The following MLLT10 variants were observed in gnomAD, a reference collection of about 807,000 sequenced individuals.
MLLT10 encodes protein AF-10.
In MLLT10, 30 loss-of-function variants were observed where a neutral mutation model predicts 129.1. That is an observed-to-expected ratio of 0.23 (90% CI 0.17 to 0.32). MLLT10 has a LOEUF of 0.32. Ranked by LOEUF, MLLT10 falls within the 10% of genes least tolerant of loss-of-function variation. The pLI is 1.00. For missense variants in MLLT10, 1,119 were observed against 1,268.3 expected, an observed-to-expected ratio of 0.88 and a Z score of 1.79; for synonymous variants, 490 against 446.4, an observed-to-expected ratio of 1.10 and a Z score of -1.23.
At chr10:21,704,649 A>G (rs1428410516) in intron 13 of MLLT10, among the ~76,000 whole-genome samples, 1 of 113,616 alleles carries the variant, frequency 8.8e-6, no homozygotes, top group South Asian at 2.7e-4. Flanking sequence ...TTTCCTGTAT[A>G]TGTTGATATC....
chr10:21,720,198 G>C (rs2057028476), intron 14 of MLLT10, among the ~76,000 whole-genome samples: 1 of 152,178 alleles, frequency 6.6e-6, no homozygotes, highest in African/African-American at 2.4e-5. Flanking sequence ...GGGCATTTTG[G>C]CATTAGCCTA....
At chr10:21,620,120 G>A (rs2045664156) in intron 8 of MLLT10, among the ~76,000 whole-genome samples, 1 of 151,974 alleles carries the variant, frequency 6.6e-6, no homozygotes, top group South Asian at 2.1e-4. Context: ...AGTAGAGACG[G>A]GGTTTCACCA....
rs1489000591 is a variant in MLLT10, at chr10:21,617,139, T to G, written c.631T>G (p.Ser211Ala). 7.2e-6 allele frequency: 11 copies of G among 1,535,656 alleles called. No homozygotes were observed. The highest frequency in any genetic ancestry group is 9.7e-6 in the Non-Finnish European group (11 of 1,136,792). The change falls in exon 8 of 23, where the codon TCA becomes GCA. Residue 211 changes from serine (S) to alanine (A), a missense_variant. Transcript: ENST00000307729. ...LKKSKRGSNR[S>A]YDQSLSDSSS... Reference sequence around the variant, plus strand: ...AAAGAGCAAACGGGGATCTAATAGGTCATATGATCAAAGTTTAAGTGATTC... The same window carrying G: ...AAAGAGCAAACGGGGATCTAATAGGGCATATGATCAAAGTTTAAGTGATTC...
chr10:21,679,006 A>C (rs1487505939), intron 11 of MLLT10, among the ~76,000 whole-genome samples: 11 of 152,174 alleles, frequency 7.2e-5, no homozygotes, highest in African/African-American at 2.7e-4. Flanking sequence ...AAATTCTCTC[A>C]TGACATGTTC....
intron 3 of MLLT10, among the ~76,000 whole-genome samples, chr10:21,560,010 CTTTT>C (rs1188385867): frequency 2.0e-5 from 3 of 150,620 alleles, no homozygotes; most frequent in Non-Finnish European, 4.4e-5. Context: ...TTCCGTTTGG[CTTTT>C]TTTTTCCTGA....
intron 9 of MLLT10, among the ~76,000 whole-genome samples, chr10:21,666,178 A>T (rs530674532): frequency 4.5e-4 from 69 of 152,260 alleles, no homozygotes; most frequent in African/African-American, 1.6e-3. Flanking sequence ...AGAGTACGGT[A>T]TAGCGTCGTT....
At chr10:21,716,339 T>A (rs1444749611) in intron 14 of MLLT10, among the ~76,000 whole-genome samples, 1 of 152,182 alleles carries the variant, frequency 6.6e-6, no homozygotes, top group East Asian at 1.9e-4. Flanking sequence ...TTGCTCTAAG[T>A]AGTTGATTTT....
intron 13 of MLLT10, among the ~76,000 whole-genome samples, chr10:21,691,898 C>A (rs1305219754): frequency 6.6e-6 from 1 of 151,012 alleles, no homozygotes; most frequent in Non-Finnish European, 1.5e-5. Flanking sequence ...GGCACGGTGG[C>A]TCACGCCTAT....
At chr10:21,715,373 A>T (rs2056462456) in intron 14 of MLLT10, among the ~76,000 whole-genome samples, 1 of 152,204 alleles carries the variant, frequency 6.6e-6, no homozygotes, top group African/African-American at 2.4e-5. Flanking sequence ...GATATAGAGG[A>T]GTTTGACTAC....
chr10:21,681,495 A>C (rs2052733247), intron 12 of MLLT10, 119 bp downstream of exon 12: 1 of 652,812 alleles, frequency 1.5e-6, no homozygotes, highest in Non-Finnish European at 2.6e-6. Flanking sequence ...AGTTTTTCTT[A>C]ATTGAACAGA....
chr10:21,689,546 A>AATATATATATATATATATGTATAT (rs1435313074), intron 13 of MLLT10, among the ~76,000 whole-genome samples: 5 of 108,334 alleles, frequency 4.6e-5, no homozygotes, highest in Non-Finnish European at 7.7e-5. Flanking sequence ...TGTGTAAAGT[A>AATATATATATATATATATGTATAT]ATATATATAT....
intron 11 of MLLT10, among the ~76,000 whole-genome samples, chr10:21,676,037 A>G (rs1193777203): frequency 6.6e-6 from 1 of 152,180 alleles, no homozygotes; most frequent in Non-Finnish European, 1.5e-5. Context: ...AGGTAAACAT[A>G]GTAATTTAGG....
intron 9 of MLLT10, among the ~76,000 whole-genome samples, chr10:21,658,411 A>AT (rs1280102885): frequency 1.3e-5 from 2 of 152,016 alleles, no homozygotes; most frequent in African/African-American, 4.8e-5. Context: ...TTATTTTAAG[A>AT]TTTTTTCTTG....
At chr10:21,586,210 C>T (rs2041968695) in intron 3 of MLLT10, 84 bp from the exon 4 acceptor site, 4 of 1,031,496 alleles carry the variant, frequency 3.9e-6, no homozygotes, top group Admixed American at 2.2e-5. Context: ...CTCACATTTT[C>T]AGTAGTTTTG....
At chr10:21,575,721 G>A (rs2040663408) in intron 3 of MLLT10, among the ~76,000 whole-genome samples, 1 of 152,116 alleles carries the variant, frequency 6.6e-6, no homozygotes, top group South Asian at 2.1e-4. Flanking sequence ...TCACAAAGAG[G>A]AGTGTTAAAA....
chr10:21,739,724 G>T (rs1366289151), intron 21 of MLLT10, among the ~76,000 whole-genome samples: 1 of 152,172 alleles, frequency 6.6e-6, no homozygotes, highest in Non-Finnish European at 1.5e-5. Context: ...GTTTGACCAC[G>T]CATGATGCAT....
intron 9 of MLLT10, among the ~76,000 whole-genome samples, chr10:21,659,509 A>T (rs1295430341): frequency 1.3e-5 from 2 of 151,356 alleles, no homozygotes; most frequent in Non-Finnish European, 2.9e-5. Context: ...TCTTACTCTT[A>T]ATCTTTTTTT....
At position 21,534,731 on chromosome 10, in the gene MLLT10, A is replaced by G. The variant is rs1435617693; in HGVS notation, c.87A>G (p.Ser29=). ...TGATTGGAGGCTGTTGCGTTTGCTC[A>G]GACGAGAGAGGCTGGGCCGAGAACC... ...KEMIGGCCVC[S]DERGWAENPL... is the part of the protein sequence containing the mutation. Residue 29 remains serine (S), a synonymous_variant, in exon 2 of 23, where the codon TCA becomes TCG. Coordinates refer to ENST00000307729, the MANE Select transcript of MLLT10 (RefSeq NM_001195626.3). The G allele has an allele frequency of 2.5e-6, 4 of 1,613,382 alleles. No individual in the cohort carries two copies. In the South Asian group the frequency reaches 4.4e-5, roughly 18 times the overall value.
intron 2 of MLLT10, 64 bp downstream of exon 2, chr10:21,534,868 C>T: frequency 1.8e-5 from 21 of 1,162,738 alleles, no homozygotes; most frequent in Non-Finnish European, 2.1e-5. Flanking sequence ...CCGCCCCCAC[C>T]TGGGCCGCAA....
Sources: allele counts gnomAD v4.1 joint callset (sites outside exome capture counted in the v4.1 genomes callset), GRCh38; gene constraint gnomAD v4.1.1; transcripts MANE v1.5; gene names NCBI Gene and HGNC (gene_info 2026-07-23, HGNC 2026-07-21).